Variants in POGZ observed in about 807,000 individuals in gnomAD.
POGZ encodes pogo transposable element derived with ZNF domain.
In POGZ, 17 loss-of-function variants were observed where a neutral mutation model predicts 134.6. The ratio of observed to expected loss-of-function variants is 0.13; its 90% CI spans 0.09 to 0.19. The LOEUF (loss-of-function observed/expected upper bound fraction) is 0.19, where lower values mean the gene tolerates loss of function less well. Among genes scored for constraint, POGZ ranks in the 10% least tolerant of loss-of-function variants. POGZ has a pLI of 1.00. For synonymous variants in POGZ, 693 were observed against 657.1 expected (o/e 1.05, Z -0.84); for missense variants, 1,306 against 1,769.7 (o/e 0.74, Z 4.70).
chr1:151,427,708 C>A, intron 7 of POGZ, 115 bp downstream of exon 7: 1 of 742,148 alleles, frequency 1.3e-6, no homozygotes, highest in African/African-American at 1.8e-5. Flanking sequence ...GAACAAACTA[C>A]AGCAGCTGTA....
intron 1 of POGZ, among the ~76,000 whole-genome samples, chr1:151,456,935 T>G (rs1662844404): frequency 6.6e-6 from 1 of 152,228 alleles, no homozygotes; most frequent in South Asian, 2.1e-4. Flanking sequence ...CTCAAGTAGT[T>G]TGGTGCCCCT....
chr1:151,412,104 G>A (rs1329706062), intron 11 of POGZ, among the ~76,000 whole-genome samples, 192 bp downstream of exon 11: 1 of 152,096 alleles, frequency 6.6e-6, no homozygotes, highest in Non-Finnish European at 1.5e-5. Context: ...GTCTACTTGT[G>A]GACATGTTCT....
chr1:151,417,043 G>A (rs1015856487), intron 10 of POGZ, among the ~76,000 whole-genome samples: 7 of 151,872 alleles, frequency 4.6e-5, no homozygotes, highest in Admixed American at 6.6e-5. Context: ...ATGTTATTAA[G>A]GATTTCTGAT....
intron 11 of POGZ, 134 bp downstream of exon 11, chr1:151,412,162 C>G: frequency 7.1e-6 from 4 of 566,928 alleles, no homozygotes; most frequent in Non-Finnish European, 1.2e-5. Context: ...ACTGTGTTTA[C>G]TATTTCTTCT....
At chr1:151,421,522 A>G (rs1047610224) in intron 10 of POGZ, among the ~76,000 whole-genome samples, 10 of 152,252 alleles carry the variant, frequency 6.6e-5, no homozygotes, top group African/African-American at 2.4e-4. Flanking sequence ...GAGATATAAA[A>G]GGAAAGCAAT....
intron 1 of POGZ, among the ~76,000 whole-genome samples, chr1:151,456,474 C>T (rs993664645): frequency 1.3e-5 from 2 of 152,150 alleles, no homozygotes; most frequent in Non-Finnish European, 2.9e-5. Context: ...CCATAGTCTG[C>T]TAGTCGTTCT....
chr1:151,406,328 G>T lies in POGZ; in HGVS notation c.2707C>A (p.Pro903Thr). 6.2e-7 allele frequency: 1 copy of T among 1,608,574 alleles called. No homozygotes were observed. Among genetic ancestry groups the T allele is most frequent in the South Asian group, 1.1e-5 (1 of 90,072 alleles). The change falls in exon 19 of 19, where the codon CCC becomes ACC. Residue 903 changes from proline (P) to threonine (T), a missense_variant. By Grantham distance (38) the Pro-to-Thr change is conservative (BLOSUM62 -1). This residue lies in a region of POGZ where 214 missense variants were observed against 255.5 expected (regional missense o/e 0.84). Transcript: ENST00000271715. ...TPAEPEELLT[P>T]LAPALPSPAS... ...GGTGATGGGAGTGCTGGGGCTAAGGGAGTTAGTAGCTCTTCAGGCTCAGCT... is the reference window on the plus strand; with the variant it reads ...GGTGATGGGAGTGCTGGGGCTAAGGTAGTTAGTAGCTCTTCAGGCTCAGCT...
intron 11 of POGZ, 89 bp from the exon 12 acceptor site, chr1:151,411,860 A>C: frequency 8.3e-7 from 1 of 1,200,832 alleles, no homozygotes; most frequent in South Asian, 1.8e-5. Context: ...AAATTTTTAA[A>C]TTAAAAAAAA....
Position 151,429,728 on chromosome 1 carries a change from A to G in POGZ, c.460-17T>C. ...AGGAAATCCCTGTATTAAAAAGCAA[A>G]ATGATCTTTAACATGGAGACCAATT... On this transcript the variant is annotated splice_polypyrimidine_tract_variant and intron_variant, in intron 4 of 18. Transcript: ENST00000271715. 2 of 1,466,848 alleles carry G rather than the reference A, an allele frequency of 1.4e-6. No individual in the cohort carries two copies. Among genetic ancestry groups the G allele is most frequent in the Non-Finnish European group, 1.9e-6 (2 of 1,046,854 alleles). 90.9% of individuals were successfully genotyped at this position (1,466,848 alleles called of 1,614,324 possible). A position where few individuals can be genotyped will look rare whatever the true frequency, so the allele number is the denominator to read the frequency against.
At chr1:151,457,117 C>CT (rs1441749053) in intron 1 of POGZ, among the ~76,000 whole-genome samples, 2 of 152,200 alleles carry the variant, frequency 1.3e-5, no homozygotes, top group East Asian at 1.9e-4. Context: ...TCTGTCCACA[C>CT]TTTGAGAACT....
chr1:151,445,226 A>G (rs1661099674), intron 1 of POGZ, among the ~76,000 whole-genome samples: 1 of 152,184 alleles, frequency 6.6e-6, no homozygotes, highest in Non-Finnish European at 1.5e-5. Flanking sequence ...CAAAATGAAA[A>G]GAAAATCCAA....
At chr1:151,449,665 G>A (rs1661768339) in intron 1 of POGZ, among the ~76,000 whole-genome samples, 1 of 152,228 alleles carries the variant, frequency 6.6e-6, no homozygotes, top group Non-Finnish European at 1.5e-5. Context: ...GGGAGGCCGA[G>A]GTGGGCGGAT....
At chr1:151,418,668 T>C (rs756225667) in intron 10 of POGZ, among the ~76,000 whole-genome samples, 11 of 152,176 alleles carry the variant, frequency 7.2e-5, no homozygotes, top group Non-Finnish European at 1.6e-4. Context: ...TAAATGTATA[T>C]TAGATTATCA....
In POGZ at chr1:151,423,416, A is replaced by G. The variant is rs779739761; in HGVS notation, c.1659T>C (p.His553=). The G allele has an allele frequency of 1.9e-6, 3 of 1,614,132 alleles. No individual in the cohort carries two copies. The South Asian group carries it at 3.3e-5, about 18-fold the overall frequency. ...FQLQCHLENV[H]SPYESTTKCK... is the part of the protein sequence containing the mutation. ...ACTTACTAGTAGATTCATAGGGACT[A>G]TGAACATTTTCCAAGTGGCACTGAA... The change falls in exon 10 of 19, where the codon CAT becomes CAC. Residue 553 remains histidine, a synonymous_variant. Transcript: ENST00000271715.
chr1:151,406,787 T>C, intron 17 of POGZ, 124 bp downstream of exon 17: 1 of 967,604 alleles, frequency 1.0e-6, no homozygotes, highest in Non-Finnish European at 1.6e-6. Flanking sequence ...AGGTTTCTAA[T>C]TAGGTCCAGC....
At chr1:151,430,621 G>C in intron 4 of POGZ, 45 bp downstream of exon 4, 1 of 1,482,754 alleles carries the variant, frequency 6.7e-7, no homozygotes, top group East Asian at 2.4e-5. Flanking sequence ...GAGGTTTATA[G>C]TCTTTCTCTC....
intron 1 of POGZ, among the ~76,000 whole-genome samples, chr1:151,458,021 G>A (rs181884824): frequency 2.3e-4 from 35 of 151,976 alleles, no homozygotes; most frequent in Admixed American, 3.9e-4. Flanking sequence ...TACACCGCTT[G>A]CATCAAGACG....
At chr1:151,448,188 C>T (rs1661539989) in intron 1 of POGZ, among the ~76,000 whole-genome samples, 1 of 152,154 alleles carries the variant, frequency 6.6e-6, no homozygotes, top group Admixed American at 6.5e-5. Context: ...AAATTTTCTC[C>T]TGAAATTTTT....
At chr1:151,444,934 T>G (rs1367012147) in intron 1 of POGZ, among the ~76,000 whole-genome samples, 1 of 151,890 alleles carries the variant, frequency 6.6e-6, no homozygotes, top group Non-Finnish European at 1.5e-5. Flanking sequence ...GTAGGAGGAT[T>G]GAGGATCGCC....
Sources: gnomAD v4.1 joint callset for allele counts (sites outside exome capture counted in the v4.1 genomes callset) on GRCh38, gnomAD v4.1.1 for gene constraint, gnomAD v4.1.1 regional missense constraint, MANE v1.5 for transcripts, NCBI Gene and HGNC (gene_info 2026-07-23, HGNC 2026-07-21) for gene names.